Variants in C8A observed in about 807,000 individuals in gnomAD.
C8A encodes complement C8 alpha chain, also known as complement component C8 alpha chain.
A neutral mutation model predicts 65.3 loss-of-function variants in C8A; 67 were observed. The ratio of observed to expected loss-of-function variants is 1.03; its 90% confidence interval spans 0.84 to 1.26. C8A has a LOEUF of 1.26. C8A is among the 50% of genes most tolerant of loss of function. C8A has a pLI of 0.00. For missense variants in C8A, 781 were observed against 723.9 expected (o/e 1.08, Z -0.90); for synonymous variants, 290 against 259.4 (o/e 1.12, Z -1.13).
At chr1:56,905,428 C>A (rs1324242496) in intron 7 of C8A, among the ~76,000 whole-genome samples, 1 of 152,136 alleles carries the variant, frequency 6.6e-6, no homozygotes, top group Non-Finnish European at 1.5e-5. Flanking sequence ...CCAAAAGACT[C>A]GGGGCATTCA....
intron 4 of C8A, 127 bp from the exon 5 acceptor site, chr1:56,881,318 G>A (rs780530319): frequency 9.8e-6 from 9 of 918,442 alleles, no homozygotes; most frequent in Admixed American, 1.9e-5. Flanking sequence ...GGGTACATGC[G>A]CAGGATGTGC....
chr1:56,917,033 C>A (rs1428300740), intron 10 of C8A, among the ~76,000 whole-genome samples: 1 of 150,698 alleles, frequency 6.6e-6, no homozygotes, highest in Non-Finnish European at 1.5e-5. Context: ...CTCTTCACAC[C>A]CTCCATTGAC....
rs142286739 is a variant in C8A at position 56,881,566 on chromosome 1, C to A, written c.586C>A (p.Arg196Ser). The A allele has an allele frequency of 3.1e-6, 5 of 1,613,650 alleles. No homozygotes were observed. The highest frequency in any genetic ancestry group is 1.3e-5 in the African/African-American group (1 of 74,880). ...GCTTCGATATGACTCCACCTGTGAACGTCTCTACTATGGAGATGATGAGAA... is the reference window on the plus strand; with the variant it reads ...GCTTCGATATGACTCCACCTGTGAAAGTCTCTACTATGGAGATGATGAGAA... The part of the protein sequence containing the change: ...RELRYDSTCE[R>S]LYYGDDEKYF... The change falls in exon 5 of 11, where the codon CGT (arginine) becomes AGT (serine). Residue 196 changes from arginine (R) to serine (S), a missense_variant. Arg to Ser is a moderately radical substitution (Grantham distance 110). Transcript: ENST00000361249.
Position 56,912,615 on chromosome 1 carries a change from A to G in C8A, c.1593A>G (p.Thr531=). 1 of 1,614,134 alleles carries G rather than the reference A, an allele frequency of 6.2e-7. No homozygotes were observed. The highest frequency in any genetic ancestry group is 8.5e-7 in the Non-Finnish European group (1 of 1,180,008). The change falls in exon 10 of 11, where the codon ACA becomes ACG. Residue 531 remains threonine, a synonymous_variant. Transcript: ENST00000361249. ...LGSLGAACEQ[T]QTEGAKADGS... ...GCTTGGGTGCTGCCTGTGAGCAAAC[A>G]CAGACAGAAGGTAAGGTCCGTGCAT...
chr1:56,856,841 T>C (rs894286998), intron 1 of C8A, among the ~76,000 whole-genome samples: 1 of 151,976 alleles, frequency 6.6e-6, no homozygotes, highest in African/African-American at 2.4e-5. Context: ...CAGTTGCTTA[T>C]TATAAAATCT....
chr1:56,914,768 G>C (rs572086269), intron 10 of C8A, among the ~76,000 whole-genome samples: 2 of 152,060 alleles, frequency 1.3e-5, no homozygotes, highest in African/African-American at 4.8e-5. Flanking sequence ...GGGTTCAAGC[G>C]ATTCTCCCAC....
chr1:56,917,418 A>G, intron 10 of C8A, 147 bp from the exon 11 acceptor site: 4 of 765,250 alleles, frequency 5.2e-6, no homozygotes, highest in Non-Finnish European at 9.2e-6. Context: ...ATCTGTACGT[A>G]CCTCCAACAA....
intron 4 of C8A, among the ~76,000 whole-genome samples, chr1:56,880,259 C>T (rs1644237264): frequency 6.6e-6 from 1 of 151,962 alleles, no homozygotes; most frequent in South Asian, 2.1e-4. Context: ...CCATCCATAT[C>T]CTAAAACATG....
intron 9 of C8A, among the ~76,000 whole-genome samples, chr1:56,911,069 T>TTTTTTTG (rs1644501706): frequency 1.3e-5 from 2 of 151,116 alleles, no homozygotes; most frequent in Admixed American, 6.6e-5. Context: ...ACATGGGTTT[T>TTTTTTTG]TTTTTTTTTT....
At chr1:56,893,447 A>T (rs1407123612) in intron 7 of C8A, among the ~76,000 whole-genome samples, 1 of 152,150 alleles carries the variant, frequency 6.6e-6, no homozygotes, top group Non-Finnish European at 1.5e-5. Flanking sequence ...TAGCTGTATG[A>T]CTTTGATTGA....
intron 9 of C8A, among the ~76,000 whole-genome samples, chr1:56,910,956 T>C (rs1032701205): frequency 1.3e-5 from 2 of 152,002 alleles, no homozygotes; most frequent in Non-Finnish European, 2.9e-5. Flanking sequence ...GTTCCTCTCC[T>C]TAAAATGAGA....
chr1:56,860,750 T>C lies in C8A; in HGVS notation c.77+5772T>C, dbSNP rs148527217. On this transcript the variant is annotated intron_variant, in intron 1 of 10. Transcript: ENST00000361249. ...GGTTGAAGGTCTAAATGTAGGAACA[T>C]TTGCACAGATGGTGTATGAAGCCAA... Among the ~76,000 whole-genome samples the C allele has an allele frequency of 4.9e-3, 748 of 152,246 alleles. 4 individuals are homozygous for C. The highest frequency in any genetic ancestry group is 0.017 in the African/African-American group (714 of 41,528).
In C8A at chr1:56,873,994, C is replaced by T. The variant is rs1644172989; in HGVS notation, c.172-955C>T. Among the ~76,000 whole-genome samples the T allele has an allele frequency of 3.9e-5, 6 of 152,100 alleles. No individual in the cohort carries two copies. The South Asian group carries it at 1.2e-3, about 32-fold the overall frequency. ...CCAAGATTGGCGTGCATTTTAATTC[C>T]TTCCTTCTGTCAAGTGTCTATTTAT... On this transcript the variant is annotated intron_variant, in intron 2 of 10. Transcript: ENST00000361249.
intron 2 of C8A, among the ~76,000 whole-genome samples, chr1:56,872,815 C>T (rs1468498953): frequency 1.3e-5 from 2 of 151,680 alleles, no homozygotes; most frequent in African/African-American, 2.4e-5. Context: ...GTGGGAATGA[C>T]TAAACACTTT....
chr1:56,863,635 G>A (rs1022830687), intron 1 of C8A, among the ~76,000 whole-genome samples: 3 of 151,880 alleles, frequency 2.0e-5, no homozygotes, highest in Non-Finnish European at 4.4e-5. Flanking sequence ...CTTCCAATTC[G>A]CCATGTTCCC....
chr1:56,888,791 G>A (rs1644321337), intron 7 of C8A, among the ~76,000 whole-genome samples: 1 of 152,116 alleles, frequency 6.6e-6, no homozygotes, highest in Non-Finnish European at 1.5e-5. Context: ...AAGTTTCGGG[G>A]GCTATTGCAC....
In C8A at chr1:56,918,036, C is replaced by T. The variant is rs544182010; in HGVS notation, c.*320C>T. The stretch of plus-strand genomic sequence containing the variant: ...TCAATCCATGACCAGGGAGAACTTA[C>T]AGGATGTTAGAGACAAAACAAGCAG... On this transcript the variant is annotated 3_prime_UTR_variant, in exon 11 of 11. Transcript: ENST00000361249. 131 of 281,344 alleles carry T rather than the reference C, an allele frequency of 4.7e-4. No homozygotes were observed. Among genetic ancestry groups the T allele is most frequent in the African/African-American group, 2.7e-3 (123 of 45,344 alleles). 17.4% of individuals were successfully genotyped at this position (281,344 alleles called of 1,614,324 possible).
At chr1:56,885,802 T>G in intron 6 of C8A, 125 bp from the exon 7 acceptor site, 1 of 1,300,606 alleles carries the variant, frequency 7.7e-7, no homozygotes. Flanking sequence ...CTCCAGCTTC[T>G]GCCTCCCAAA....
Position 56,917,939 on chromosome 1 carries a change from C to T in C8A, c.*223C>T. 1 of 547,444 alleles carries T rather than the reference C, an allele frequency of 1.8e-6. No individual in the cohort carries two copies. Among genetic ancestry groups the T allele is most frequent in the Non-Finnish European group, 3.3e-6 (1 of 303,906 alleles). The allele number at this position is 547,444 out of a possible 1,614,324, so 33.9% of individuals were successfully genotyped here. Reference sequence around the variant, plus strand: ...TCAGCAACTGGATGTTGACTGTTAACTAGAAGCTCTGTCCTACTTACAGCA... The same window carrying T: ...TCAGCAACTGGATGTTGACTGTTAATTAGAAGCTCTGTCCTACTTACAGCA... On this transcript the variant is annotated 3_prime_UTR_variant, in exon 11 of 11. Transcript: ENST00000361249.
Sources: gnomAD v4.1 joint callset for allele counts (sites outside exome capture counted in the v4.1 genomes callset) on GRCh38, gnomAD v4.1.1 for gene constraint, MANE v1.5 for transcripts, NCBI Gene and HGNC (gene_info 2026-07-23, HGNC 2026-07-21) for gene names.